ZEB2: variants seen among roughly 807,000 people sequenced by gnomAD.
ZEB2 encodes zinc finger E-box binding homeobox 2.
Under a neutral mutation model 99.9 loss-of-function variants are expected in ZEB2, and 6 were observed. The ratio of observed to expected loss-of-function variants is 0.06; its 90% CI spans 0.03 to 0.12. The LOEUF is 0.12. Ranked by LOEUF, ZEB2 falls within the 10% of genes least tolerant of loss-of-function variation. The probability of loss-of-function intolerance (pLI) is 1.00; values close to 1 mark genes in which losing one functional copy is unlikely to be tolerated. For synonymous variants in ZEB2, 517 were observed against 542.5 expected (o/e 0.95, Z 0.65); for missense variants, 969 against 1,502.8 (o/e 0.64, Z 5.87).
intron 2 of ZEB2, among the ~76,000 whole-genome samples, chr2:144,437,431 A>G (rs1375650838): frequency 6.6e-6 from 1 of 152,222 alleles, no homozygotes; most frequent in African/African-American, 2.4e-5. Flanking sequence ...AAGGAAAAAA[A>G]GATTTTAGAA....
intron 5 of ZEB2, 140 bp from the exon 6 acceptor site, chr2:144,404,270 C>A: frequency 2.2e-6 from 2 of 894,664 alleles, no homozygotes; most frequent in Non-Finnish European, 3.6e-6. Flanking sequence ...GCACCCGGCC[C>A]CCTCGCACAC....
rs1366036154 is a variant in ZEB2 at position 144,411,119 on chromosome 2, T to TACAC, written c.404-6096_404-6095insGTGT. On this transcript the variant is annotated intron_variant, in intron 4 of 9. Transcript: ENST00000627532. ...TATATATGTATAATAGGGCATCTCA[T>TACAC]ATATACACACACACACACACACACA... is the stretch of plus-strand genomic sequence containing the variant. 1.6e-4 allele frequency among the ~76,000 whole-genome samples: 7 copies of TACAC among 44,600 alleles called. 1 individual carries two copies. The highest frequency in any genetic ancestry group is 4.2e-4 in the Non-Finnish European group (6 of 14,148). 29.3% of individuals were successfully genotyped at this position (44,600 alleles called of 152,430 possible).
intron 4 of ZEB2, among the ~76,000 whole-genome samples, chr2:144,409,844 G>A (rs1028417619): frequency 7.9e-5 from 12 of 151,704 alleles, no homozygotes; most frequent in South Asian, 2.1e-4. Flanking sequence ...AGCTGTGATC[G>A]CACCACTGCA....
In ZEB2 at chr2:144,520,009, G is replaced by A. The variant is rs1183639838; in HGVS notation, c.-140C>T. On this transcript the variant is annotated 5_prime_UTR_variant, in exon 1 of 10. Transcript: ENST00000627532. Reference sequence around the variant, plus strand: ...AAAGCATGAAGAAGCCGCGAAGTGTGGGGGAGAAAAAGGTGGAAGCGAAGA... The same window carrying A: ...AAAGCATGAAGAAGCCGCGAAGTGTAGGGGAGAAAAAGGTGGAAGCGAAGA... 4.4e-6 allele frequency: 2 copies of A among 454,494 alleles called. No homozygotes were observed. The highest frequency in any genetic ancestry group is 8.8e-6 in the Non-Finnish European group (2 of 226,786). 28.2% of individuals were successfully genotyped at this position (454,494 alleles called of 1,614,324 possible). A position where few individuals can be genotyped will look rare whatever the true frequency, so the allele number is the denominator to read the frequency against.
At chr2:144,499,597 C>CG (rs1329913245) in intron 2 of ZEB2, among the ~76,000 whole-genome samples, 2 of 152,088 alleles carry the variant, frequency 1.3e-5, no homozygotes, top group Non-Finnish European at 2.9e-5. Flanking sequence ...AACAAAGTTA[C>CG]GGTTCAAGAT....
In ZEB2 at chr2:144,398,441, T is replaced by G; in HGVS notation, c.2746A>C (p.Ser916Arg). 1 of 1,614,102 alleles carries G rather than the reference T, an allele frequency of 6.2e-7. No homozygotes were observed. The highest frequency in any genetic ancestry group is 8.5e-7 in the Non-Finnish European group (1 of 1,179,988). Reference protein sequence around the residue: ...PATFMPPVQTSIPGLRPYPGL... With the variant: ...PATFMPPVQTRIPGLRPYPGL... ...GGGTATGGTCGTAGCCCAGGAATAC[T>G]GGTCTGGACTGGTGGCATGAAAGTA... is the stretch of plus-strand genomic sequence containing the variant. Residue 916 changes from serine to arginine, a missense_variant, in exon 8 of 10, where the codon AGT (serine) becomes CGT (arginine). Physicochemically the swap from Ser to Arg is moderately radical, Grantham distance 110 (BLOSUM62 -1). Coordinates refer to ENST00000627532, the MANE Select transcript of ZEB2 (RefSeq NM_014795.4).
intron 2 of ZEB2, 110 bp downstream of exon 2, chr2:144,517,168 T>C: frequency 1.4e-6 from 2 of 1,450,282 alleles, no homozygotes; most frequent in South Asian, 2.3e-5. Flanking sequence ...CCTAGAGCCC[T>C]GGGCGCCGCC....
chr2:144,467,941 T>G (rs1285947155), intron 2 of ZEB2, among the ~76,000 whole-genome samples: 1 of 151,946 alleles, frequency 6.6e-6, no homozygotes, highest in Non-Finnish European at 1.5e-5. Context: ...ACAGGCTGAA[T>G]GGTAGGGGCA....
intron 2 of ZEB2, among the ~76,000 whole-genome samples, chr2:144,485,904 C>T (rs1028833256): frequency 1.3e-5 from 2 of 152,300 alleles, no homozygotes; most frequent in African/African-American, 4.8e-5. Flanking sequence ...CAGGTGTGAG[C>T]CACTGCGCCT....
At chr2:144,506,675 A>G (rs1270377765) in intron 2 of ZEB2, among the ~76,000 whole-genome samples, 2 of 152,210 alleles carry the variant, frequency 1.3e-5, no homozygotes, top group Non-Finnish European at 2.9e-5. Flanking sequence ...TGGGCACTGA[A>G]TTCCTTGAAA....
intron 2 of ZEB2, among the ~76,000 whole-genome samples, chr2:144,485,672 T>C (rs984103206): frequency 1.3e-5 from 2 of 152,142 alleles, no homozygotes; most frequent in Non-Finnish European, 2.9e-5. Flanking sequence ...TGAGCTGGGG[T>C]GCAACGGCAT....
intron 4 of ZEB2, among the ~76,000 whole-genome samples, chr2:144,416,015 C>G (rs530878303): frequency 6.6e-6 from 1 of 152,212 alleles, no homozygotes; most frequent in East Asian, 1.9e-4. Context: ...CTTCACAGTG[C>G]TTAGGCTTTC....
rs570896860 is a variant in ZEB2 at position 144,517,473 on chromosome 2, G to A, written c.-69-54C>T. 222 of 1,260,436 alleles carry A rather than the reference G, an allele frequency of 1.8e-4. 1 individual carries two copies. In the East Asian group the frequency reaches 5.3e-3, roughly 30 times the overall value. The allele number at this position is 1,260,436 out of a possible 1,614,324, so 78.1% of individuals were successfully genotyped here. A position where few individuals can be genotyped will look rare whatever the true frequency, so the allele number is the denominator to read the frequency against. ...GCATCGCCCGCGCCCATTGAAACGC[G>A]CGCGGGCCGCCCAGGGGAGCCGGGC... On this transcript the variant is annotated intron_variant, in intron 1 of 9. Coordinates refer to ENST00000627532, the MANE Select transcript of ZEB2 (RefSeq NM_014795.4).
At chr2:144,418,358 A>G (rs1425905570) in intron 4 of ZEB2, among the ~76,000 whole-genome samples, 1 of 152,166 alleles carries the variant, frequency 6.6e-6, no homozygotes, top group East Asian at 1.9e-4. Context: ...AATGGAGAAA[A>G]CCGTTTACGA....
chr2:144,457,638 T>TG (rs558156621), intron 2 of ZEB2, among the ~76,000 whole-genome samples: 5 of 152,112 alleles, frequency 3.3e-5, no homozygotes, highest in Admixed American at 6.6e-5. Context: ...GAAGAGGACC[T>TG]GGTATGTAAC....
chr2:144,431,745 C>CT (rs34246797), intron 2 of ZEB2, among the ~76,000 whole-genome samples: 136,136 of 142,708 alleles, frequency 0.95, 65,142 homozygotes, highest in South Asian at 1. Context: ...TAATGTGCTT[C>CT]TTTTTTTTTT....
intron 2 of ZEB2, among the ~76,000 whole-genome samples, chr2:144,439,133 G>GAAAAAAA (rs1174940162): frequency 2.5e-5 from 2 of 79,694 alleles, no homozygotes. Flanking sequence ...CTGGGAGGAA[G>GAAAAAAA]AAAAAAAAAA....
chr2:144,473,659 A>G (rs1459027415), intron 2 of ZEB2, among the ~76,000 whole-genome samples: 2 of 152,164 alleles, frequency 1.3e-5, no homozygotes, highest in Admixed American at 6.5e-5. Flanking sequence ...GGATGTGCAC[A>G]TGAGGAATGC....
At chr2:144,416,996 C>T (rs567112221) in intron 4 of ZEB2, among the ~76,000 whole-genome samples, 36 of 152,298 alleles carry the variant, frequency 2.4e-4, no homozygotes, top group African/African-American at 6.3e-4. Flanking sequence ...ATTTATTATG[C>T]GCTAACGTTG....
Sources: allele counts gnomAD v4.1 joint callset (sites outside exome capture counted in the v4.1 genomes callset), GRCh38; gene constraint gnomAD v4.1.1; transcripts MANE v1.5; gene names NCBI Gene and HGNC (gene_info 2026-07-23, HGNC 2026-07-21).